FNBP1L: variants seen among roughly 807,000 people sequenced by gnomAD.
FNBP1L encodes formin binding protein 1 like, also known as formin-binding protein 1-like.
FNBP1L carries 36 observed loss-of-function variants against 91.2 expected under a neutral mutation model. The ratio of observed to expected loss-of-function variants is 0.39; its 90% CI spans 0.30 to 0.52. The LOEUF (loss-of-function observed/expected upper bound fraction) is 0.52. FNBP1L is among the 20% of genes least tolerant of loss of function. The pLI, the probability that FNBP1L is intolerant of heterozygous loss-of-function variation, is 0.66. For synonymous variants in FNBP1L, 242 were observed against 237.0 expected, an observed-to-expected ratio of 1.02 and a Z score of -0.19; for missense variants, 571 against 732.1, an observed-to-expected ratio of 0.78 and a Z score of 2.54.
intron 1 of FNBP1L, among the ~76,000 whole-genome samples, chr1:93,492,713 C>T (rs970838057): frequency 3.3e-5 from 5 of 151,988 alleles, no homozygotes; most frequent in Non-Finnish European, 7.4e-5. Flanking sequence ...AGCTTAAGCC[C>T]AGGAGTTCGA....
Position 93,534,706 on chromosome 1 carries a change from A to T in FNBP1L, c.788A>T (p.Asp263Val). 1 of 1,560,404 alleles carries T rather than the reference A, an allele frequency of 6.4e-7. No individual in the cohort carries two copies. The highest frequency in any genetic ancestry group is 8.7e-7 in the Non-Finnish European group (1 of 1,149,896). Residue 263 changes from aspartate to valine, a missense_variant and splice_region_variant, in exon 9 of 17, where the codon GAC (aspartate) becomes GTC (valine). Coordinates refer to ENST00000271234, the MANE Select transcript of FNBP1L (RefSeq NM_001164473.3). ...TAAAACCTAGTTTCTTTTGTATAGGACTCTCAAATGGTGGTAGACTCCTTC... is the reference window on the plus strand; with the variant it reads ...TAAAACCTAGTTTCTTTTGTATAGGTCTCTCAAATGGTGGTAGACTCCTTC... ...LAAKSVDERR[D>V]SQMVVDSFKS...
At chr1:93,493,866 C>T (rs934833669) in intron 1 of FNBP1L, among the ~76,000 whole-genome samples, 8 of 152,162 alleles carry the variant, frequency 5.3e-5, no homozygotes, top group East Asian at 1.9e-4. Context: ...AAGACGTACA[C>T]TATTAGAAAT....
At chr1:93,468,184 T>C (rs943401148) in intron 1 of FNBP1L, among the ~76,000 whole-genome samples, 1 of 152,224 alleles carries the variant, frequency 6.6e-6, no homozygotes, top group Middle Eastern at 3.2e-3. Context: ...GGACATTTCA[T>C]ATAAATGGAA....
intron 11 of FNBP1L, chr1:93,543,699 T>C (rs1454096247): frequency 6.6e-6 from 1 of 152,426 alleles, no homozygotes; most frequent in Non-Finnish European, 1.5e-5. Context: ...TGTTGTGATA[T>C]GTTATATATA....
intron 2 of FNBP1L, among the ~76,000 whole-genome samples, chr1:93,517,331 T>C (rs1378347946): frequency 6.6e-6 from 1 of 152,050 alleles, no homozygotes; most frequent in Admixed American, 6.5e-5. Flanking sequence ...CTTCTTTTTT[T>C]TCTTTTTTTT....
intron 10 of FNBP1L, among the ~76,000 whole-genome samples, chr1:93,537,187 G>A (rs1326585313): frequency 1.3e-5 from 2 of 151,978 alleles, no homozygotes; most frequent in Non-Finnish European, 2.9e-5. Flanking sequence ...GATTTTAAGG[G>A]TGTGCTTTTA....
At position 93,485,480 on chromosome 1, in the gene FNBP1L, C is replaced by A. The variant is rs181766310; in HGVS notation, c.25-13988C>A. On this transcript the variant is annotated intron_variant, in intron 1 of 16. Coordinates refer to ENST00000271234, the MANE Select transcript of FNBP1L (RefSeq NM_001164473.3). The stretch of plus-strand genomic sequence containing the variant: ...TTGTATGAAGTTCAGTCATACAAAG[C>A]TGACCACTAAAAATTGTTAACAGTC... 2.0e-5 allele frequency among the ~76,000 whole-genome samples: 3 copies of A among 152,236 alleles called. No homozygotes were observed. The East Asian group carries it at 5.8e-4, about 29-fold the overall frequency.
intron 5 of FNBP1L, among the ~76,000 whole-genome samples, chr1:93,525,088 A>G (rs996661713): frequency 6.6e-6 from 1 of 150,758 alleles, no homozygotes; most frequent in African/African-American, 2.4e-5. Context: ...AAAAAGCTCT[A>G]TTAAATGATA....
intron 5 of FNBP1L, among the ~76,000 whole-genome samples, chr1:93,526,946 A>G (rs1422195168): frequency 1.3e-5 from 2 of 152,136 alleles, no homozygotes. Flanking sequence ...ACAGCTCTGA[A>G]CTCAGTTTCA....
chr1:93,525,656 G>T (rs1671469168), intron 5 of FNBP1L, among the ~76,000 whole-genome samples: 1 of 152,114 alleles, frequency 6.6e-6, no homozygotes, highest in Non-Finnish European at 1.5e-5. Context: ...GTGCCAACTT[G>T]CCTTTAGAAC....
chr1:93,449,387 T>A (rs756294568), intron 1 of FNBP1L, among the ~76,000 whole-genome samples: 4 of 152,182 alleles, frequency 2.6e-5, no homozygotes, highest in Non-Finnish European at 5.9e-5. Flanking sequence ...CACCTGTGCC[T>A]GTTTTCCGTG....
chr1:93,487,658 C>T (rs1207491926), intron 1 of FNBP1L, among the ~76,000 whole-genome samples: 1 of 152,096 alleles, frequency 6.6e-6, no homozygotes, highest in East Asian at 1.9e-4. Flanking sequence ...ACCTAACTAG[C>T]CATAAACGCC....
chr1:93,508,608 C>T (rs1427614188), intron 2 of FNBP1L, among the ~76,000 whole-genome samples: 2 of 152,118 alleles, frequency 1.3e-5, no homozygotes, highest in Non-Finnish European at 2.9e-5. Flanking sequence ...TAGGACTACC[C>T]TGCATGTTCA....
chr1:93,512,689 A>G (rs1670903752), intron 2 of FNBP1L, among the ~76,000 whole-genome samples: 1 of 151,144 alleles, frequency 6.6e-6, no homozygotes, highest in South Asian at 2.1e-4. Context: ...ACATAACGAA[A>G]TGAAGGCAGA....
At chr1:93,455,300 C>A (rs1668623531) in intron 1 of FNBP1L, among the ~76,000 whole-genome samples, 1 of 152,216 alleles carries the variant, frequency 6.6e-6, no homozygotes, top group African/African-American at 2.4e-5. Context: ...TCAAGCGATC[C>A]TCCTGCGTCA....
chr1:93,521,037 A>G (rs1198176559), intron 2 of FNBP1L, among the ~76,000 whole-genome samples: 5 of 128,916 alleles, frequency 3.9e-5, no homozygotes, highest in Non-Finnish European at 8.1e-5. Context: ...GTGAGACTCC[A>G]TCTCAATAAA....
At chr1:93,479,037 A>T (rs544602717) in intron 1 of FNBP1L, among the ~76,000 whole-genome samples, 2 of 152,308 alleles carry the variant, frequency 1.3e-5, no homozygotes, top group South Asian at 4.1e-4. Flanking sequence ...TATTGGGGGA[A>T]CCCACCCCAA....
intron 1 of FNBP1L, among the ~76,000 whole-genome samples, chr1:93,455,456 T>C (rs1310880806): frequency 1.3e-5 from 2 of 152,234 alleles, no homozygotes; most frequent in Non-Finnish European, 2.9e-5. Flanking sequence ...CCCAAAGTAC[T>C]GGGATTACAG....
At chr1:93,533,298 A>G (rs556789113) in intron 8 of FNBP1L, among the ~76,000 whole-genome samples, 1 of 152,038 alleles carries the variant, frequency 6.6e-6, no homozygotes, top group East Asian at 1.9e-4. Flanking sequence ...CTCTTCTCCC[A>G]CTAAGTTTTC....
Sources: allele counts gnomAD v4.1 joint callset (sites outside exome capture counted in the v4.1 genomes callset), GRCh38; gene constraint gnomAD v4.1.1; transcripts MANE v1.5; gene names NCBI Gene and HGNC (gene_info 2026-07-23, HGNC 2026-07-21).